The following ZNF530 variants were observed in gnomAD, a reference collection of about 807,000 sequenced individuals.
ZNF530 encodes zinc finger protein 530.
Under a neutral mutation model 2.8 loss-of-function variants are expected in ZNF530, and 5 were observed. The ratio of observed to expected loss-of-function variants is 1.80; its 90% CI spans 0.94 to 3.78. The LOEUF is 3.78. Among genes scored for constraint, ZNF530 ranks in the 30% most tolerant of loss-of-function variants. The pLI is 0.00. For missense variants in ZNF530, 619 were observed against 673.3 expected (o/e 0.92, Z 0.89); for synonymous variants, 229 against 235.0 (o/e 0.97, Z 0.23).
At chr19:57,604,182 T>TGGGGAGGA in intron 2 of ZNF530, 95 bp from the exon 3 acceptor site, 1 of 1,569,052 alleles carries the variant, frequency 6.4e-7, no homozygotes, top group South Asian at 1.1e-5. Flanking sequence ...GGTGGGGAGA[T>TGGGGAGGA]GGGGAGGAGG....
chr19:57,601,882 C>T (rs1338062109), intron 2 of ZNF530, among the ~76,000 whole-genome samples: 1 of 152,184 alleles, frequency 6.6e-6, no homozygotes, highest in African/African-American at 2.4e-5. Context: ...TTTTTAGCAA[C>T]CAGGTCTCAT....
chr19:57,604,220 A>G, intron 2 of ZNF530, 57 bp from the exon 3 acceptor site: 3 of 1,610,078 alleles, frequency 1.9e-6, no homozygotes, highest in Non-Finnish European at 2.5e-6. Flanking sequence ...GTTTGGGGGA[A>G]TCAACTTGGG....
In ZNF530 at chr19:57,605,885, G is replaced by C; in HGVS notation, c.261G>C (p.Leu87Phe). ...HASPCGQKLY[L>F]GGASRDFWMS... is the part of the protein sequence containing the mutation. The stretch of plus-strand genomic sequence containing the variant: ...CACCCTGTGGACAGAAATTGTACTT[G>C]GGTGGAGCATCAAGAGATTTCTGGA... The change falls in exon 4 of 4, where the codon TTG (leucine) becomes TTC (phenylalanine). Residue 87 changes from leucine to phenylalanine, a missense_variant. Leu to Phe is a conservative substitution (Grantham distance 22, BLOSUM62 0). Transcript: ENST00000597700. 1 of 1,614,184 alleles carries C rather than the reference G, an allele frequency of 6.2e-7. No individual in the cohort carries two copies. Among genetic ancestry groups the C allele is most frequent in the South Asian group, 1.1e-5 (1 of 91,084 alleles).
At position 57,599,993 on chromosome 19, in the gene ZNF530, C is replaced by T. The variant is rs1283409533; in HGVS notation, c.-263C>T. On this transcript the variant is annotated 5_prime_UTR_variant, in exon 1 of 4. Coordinates refer to ENST00000597700, the MANE Select transcript of ZNF530 (RefSeq NM_001321981.2). The stretch of plus-strand genomic sequence containing the variant: ...GACAGCGAGAAGGCGCGAGGAGAGT[C>T]GTTTTCTCAGCTGCACAGCCGGGGC... The T allele has an allele frequency of 4.0e-6, 5 of 1,250,418 alleles. No individual in the cohort carries two copies. Among genetic ancestry groups the T allele is most frequent in the Middle Eastern group, 2.7e-4 (1 of 3,738 alleles). 77.5% of individuals were successfully genotyped at this position (1,250,418 alleles called of 1,614,324 possible). A position where few individuals can be genotyped will look rare whatever the true frequency, so the allele number is the denominator to read the frequency against.
In ZNF530 at chr19:57,607,807, T is replaced by C. The variant is rs1980677474; in HGVS notation, c.*482T>C. On this transcript the variant is annotated 3_prime_UTR_variant, in exon 4 of 4. Transcript: ENST00000597700. ...TGTGACTCATGTATCCAAACATCCA[T>C]GGATTTCCCATAAATTTGAGGTATG... is the stretch of plus-strand genomic sequence containing the variant. 1 of 165,604 alleles carries C rather than the reference T, an allele frequency of 6.0e-6. No individual in the cohort carries two copies. The highest frequency in any genetic ancestry group is 2.4e-5 in the African/African-American group (1 of 41,506). 10.3% of individuals were successfully genotyped at this position (165,604 alleles called of 1,614,324 possible).
chr19:57,607,425 A>G lies in ZNF530; in HGVS notation c.*100A>G, dbSNP rs1249740528. On this transcript the variant is annotated 3_prime_UTR_variant, in exon 4 of 4. Coordinates refer to ENST00000597700, the MANE Select transcript of ZNF530 (RefSeq NM_001321981.2). ...AATTGTGCAATCTCAGCTCACTGCA[A>G]CCTCCGCCTCCTGGGATCAAGTGAT... The G allele has an allele frequency of 2.6e-5, 31 of 1,185,012 alleles. No individual in the cohort carries two copies. Among genetic ancestry groups the G allele is most frequent in the Non-Finnish European group, 2.9e-5 (25 of 864,132 alleles). 73.4% of individuals were successfully genotyped at this position (1,185,012 alleles called of 1,614,324 possible). A position where few individuals can be genotyped will look rare whatever the true frequency, so the allele number is the denominator to read the frequency against.
chr19:57,604,554 A>C, intron 3 of ZNF530, 148 bp downstream of exon 3: 1 of 1,068,184 alleles, frequency 9.4e-7, no homozygotes, highest in Non-Finnish European at 1.4e-6. Flanking sequence ...GACATCGCCA[A>C]GCAAGGCACT....
chr19:57,604,606 A>G (rs1980407615), intron 3 of ZNF530, 200 bp downstream of exon 3: 1 of 608,528 alleles, frequency 1.6e-6, no homozygotes, highest in Middle Eastern at 2.8e-4. Context: ...GTATGCAGTG[A>G]AGGGTCTGGG....
chr19:57,603,575 AGTTACT>A (rs997860108), intron 2 of ZNF530, among the ~76,000 whole-genome samples: 5 of 152,220 alleles, frequency 3.3e-5, no homozygotes, highest in Admixed American at 1.3e-4. Context: ...GTAGCAAGAC[AGTTACT>A]GTTACTGTTA....
chr19:57,602,373 A>G (rs1162551137), intron 2 of ZNF530, among the ~76,000 whole-genome samples: 1 of 152,194 alleles, frequency 6.6e-6, no homozygotes, highest in Non-Finnish European at 1.5e-5. Flanking sequence ...CTATCACATT[A>G]TATTAGGCTT....
intron 1 of ZNF530, among the ~76,000 whole-genome samples, 180 bp from the exon 2 acceptor site, chr19:57,600,548 A>G (rs181501817): frequency 1.3e-5 from 2 of 152,358 alleles, no homozygotes; most frequent in South Asian, 2.1e-4. Context: ...GATAGCAGGC[A>G]TGGAGGGACC....
In ZNF530 at chr19:57,607,250, T is replaced by C. The variant is rs1344014113; in HGVS notation, c.1626T>C (p.Tyr542=). The C allele has an allele frequency of 1.9e-6, 3 of 1,614,076 alleles. No homozygotes were observed. Among genetic ancestry groups the C allele is most frequent in the South Asian group, 1.1e-5 (1 of 91,084 alleles). The change falls in exon 4 of 4, where the codon TAT becomes TAC. Residue 542 remains tyrosine (Y), a synonymous_variant. Transcript: ENST00000597700. The part of the protein sequence containing the change: ...HKTVHTGERP[Y]ECSECGKSFS... ...CAGTTCACACTGGAGAAAGGCCTTA[T>C]GAATGCAGTGAATGTGGAAAATCCT...
chr19:57,602,730 C>T (rs1980305998), intron 2 of ZNF530, among the ~76,000 whole-genome samples: 1 of 152,116 alleles, frequency 6.6e-6, no homozygotes, highest in African/African-American at 2.4e-5. Context: ...AAAGACATAC[C>T]TGAGACTGGG....
At position 57,603,866 on chromosome 19, in the gene ZNF530, G is replaced by C. The variant is rs548839673; in HGVS notation, c.-69-411G>C. On this transcript the variant is annotated intron_variant, in intron 2 of 3. Coordinates refer to ENST00000597700, the MANE Select transcript of ZNF530 (RefSeq NM_001321981.2). Reference sequence around the variant, plus strand: ...GAGATGCCTGTGTTGTGGGATCGGGGTGGAGGTGGCTGAGGGAGTGAGTTG... The same window carrying C: ...GAGATGCCTGTGTTGTGGGATCGGGCTGGAGGTGGCTGAGGGAGTGAGTTG... 7.9e-5 allele frequency among the ~76,000 whole-genome samples: 12 copies of C among 152,294 alleles called. No homozygotes were observed. In the East Asian group the frequency reaches 1.3e-3, roughly 17 times the overall value.
At position 57,606,838 on chromosome 19, in the gene ZNF530, G is replaced by GT; in HGVS notation, c.1215dup (p.Glu406Ter). ...ACTGGAGAAAGGCCTTATGAGTGCA[G>GT]TGAATGTGGGAAAGTTTTTAGCCAA... On this transcript the variant is annotated frameshift_variant, in exon 4 of 4. Transcript: ENST00000597700. LOFTEE classifies it low-confidence loss of function (END_TRUNC). The GT allele has an allele frequency of 6.2e-7, 1 of 1,614,162 alleles. No individual in the cohort carries two copies. The highest frequency in any genetic ancestry group is 8.5e-7 in the Non-Finnish European group (1 of 1,180,026).
At chr19:57,601,576 G>A (rs1980243210) in intron 2 of ZNF530, among the ~76,000 whole-genome samples, 1 of 152,208 alleles carries the variant, frequency 6.6e-6, no homozygotes. Context: ...TGGCTAGGTG[G>A]ACACACAGGT....
downstream of ZNF530, among the ~76,000 whole-genome samples, chr19:57,610,412 A>ATGTGTGTGTGTGTG (rs57429926): frequency 6.8e-6 from 1 of 147,180 alleles, no homozygotes; most frequent in African/African-American, 2.5e-5. Flanking sequence ...AAGTGTACAT[A>ATGTGTGTGTGTGTG]TGTGTGTGTG....
chr19:57,609,652 C>T lies in ZNF530; in HGVS notation c.*2327C>T, dbSNP rs904813318. Reference sequence around the variant, plus strand: ...CTCTGTCTCAAAAAAAAAGTATCCACAAATGTTCCAGTGACTATGACTGCA... The same window carrying T: ...CTCTGTCTCAAAAAAAAAGTATCCATAAATGTTCCAGTGACTATGACTGCA... On this transcript the variant is annotated 3_prime_UTR_variant, in exon 4 of 4. Transcript: ENST00000597700. Among the ~76,000 whole-genome samples, 5 of 152,102 alleles carry T rather than the reference C, an allele frequency of 3.3e-5. No individual in the cohort carries two copies. Among genetic ancestry groups the T allele is most frequent in the African/African-American group, 4.8e-5 (2 of 41,412 alleles).
At chr19:57,604,586 T>C (rs1368952631) in intron 3 of ZNF530, 180 bp downstream of exon 3, 4 of 735,686 alleles carry the variant, frequency 5.4e-6, no homozygotes, top group Non-Finnish European at 8.8e-6. Context: ...CTAACACCTG[T>C]TTCCTCTAGG....
Sources: gnomAD v4.1 joint callset for allele counts (sites outside exome capture counted in the v4.1 genomes callset) on GRCh38, gnomAD v4.1.1 for gene constraint, MANE v1.5 for transcripts, NCBI Gene and HGNC (gene_info 2026-07-23, HGNC 2026-07-21) for gene names.